RSPH14: variants seen among roughly 807,000 people sequenced by gnomAD.
RSPH14 encodes rhabdoid tumor deletion region gene 1.
RSPH14 carries 20 observed loss-of-function variants against 26.7 expected under a neutral mutation model. The ratio of observed to expected loss-of-function variants is 0.75; its 90% confidence interval spans 0.53 to 1.09. The LOEUF is 1.09. Among genes scored for constraint, RSPH14 ranks in the 50% least tolerant of loss-of-function variants. The pLI is 0.00. For missense variants in RSPH14, 449 were observed against 457.2 expected, an observed-to-expected ratio of 0.98 and a Z score of 0.16; for synonymous variants, 177 against 189.3, an observed-to-expected ratio of 0.93 and a Z score of 0.53.
chr22:23,083,521 C>G (rs1320853191), intron 4 of RSPH14, among the ~76,000 whole-genome samples: 1 of 152,116 alleles, frequency 6.6e-6, no homozygotes, highest in Middle Eastern at 3.2e-3. Flanking sequence ...ATCTGTTCTG[C>G]GAATCTTTCA....
At chr22:23,078,357 G>A (rs997366136) in intron 4 of RSPH14, among the ~76,000 whole-genome samples, 3 of 152,134 alleles carry the variant, frequency 2.0e-5, no homozygotes, top group South Asian at 2.1e-4. Context: ...ATAACACCAC[G>A]CACGCAAGCA....
upstream of RSPH14, among the ~76,000 whole-genome samples, chr22:23,149,270 C>T (rs569386649): frequency 7.2e-5 from 11 of 152,342 alleles, no homozygotes; most frequent in South Asian, 2.3e-3. Context: ...CTTCTCCCCA[C>T]ATCCTTGCCA....
At chr22:23,060,930 C>G (rs893590831) in intron 6 of RSPH14, among the ~76,000 whole-genome samples, 1 of 152,170 alleles carries the variant, frequency 6.6e-6, no homozygotes, top group Non-Finnish European at 1.5e-5. Context: ...AAGCCTGGAC[C>G]GAGAAGGACA....
At chr22:23,140,522 A>G (rs987327727) in intron 1 of RSPH14, 50 bp from the exon 2 acceptor site, 27 of 1,499,946 alleles carry the variant, frequency 1.8e-5, no homozygotes, top group Non-Finnish European at 2.3e-5. Flanking sequence ...TTTAAAAGCT[A>G]CTTCTCATCT....
In RSPH14 at chr22:23,071,900, A is replaced by G. The variant is rs1013729565; in HGVS notation, c.422-7767T>C. 2.0e-5 allele frequency among the ~76,000 whole-genome samples: 3 copies of G among 151,896 alleles called. No homozygotes were observed. Among genetic ancestry groups the G allele is most frequent in the Admixed American group, 2.0e-4 (3 of 15,260 alleles). On this transcript the variant is annotated intron_variant, in intron 4 of 6. Coordinates refer to ENST00000216036, the MANE Select transcript of RSPH14 (RefSeq NM_014433.3). This position sits in a 1 kb window ranked among gnomAD's most constrained non-coding sequence, Gnocchi z 4.1. Reference sequence around the variant, plus strand: ...ATGGGAGCACTTAGCATGCCTGGGGAGTAGGAGGAGGTATGGCGGGAAAGG... The same window carrying G: ...ATGGGAGCACTTAGCATGCCTGGGGGGTAGGAGGAGGTATGGCGGGAAAGG...
the RSPH14 span, among the ~76,000 whole-genome samples, chr22:23,166,407 A>T: frequency 6.6e-6 from 1 of 151,642 alleles, no homozygotes; most frequent in African/African-American, 2.4e-5. Flanking sequence ...AGTAAGATGA[A>T]GGGCTGTGTC....
chr22:23,126,763 C>T (rs2070193034), intron 4 of RSPH14, among the ~76,000 whole-genome samples: 1 of 152,190 alleles, frequency 6.6e-6, no homozygotes, highest in African/African-American at 2.4e-5. Context: ...CCAGCCCTGC[C>T]CACTGCAGGT....
chr22:23,145,217 C>G (rs564680016), upstream of RSPH14: 927 of 764,814 alleles, frequency 1.2e-3, 9 homozygotes, highest in African/African-American at 0.015. Flanking sequence ...ACCCAGGGCT[C>G]AGGCTCCGCC....
chr22:23,130,528 G>GAAAA (rs1555939852), intron 4 of RSPH14, among the ~76,000 whole-genome samples: 1 of 150,890 alleles, frequency 6.6e-6, no homozygotes, highest in South Asian at 2.1e-4. Context: ...AAGAAAGAAA[G>GAAAA]AAAGAGAAAG....
At chr22:23,154,430 G>C in the RSPH14 span, among the ~76,000 whole-genome samples, 9 of 152,228 alleles carry the variant, frequency 5.9e-5, no homozygotes, top group Admixed American at 3.9e-4. Flanking sequence ...TGGAGATGGA[G>C]GATAACAAAT....
In RSPH14 at chr22:23,140,341, G is replaced by C; in HGVS notation, c.80C>G (p.Ala27Gly). Residue 27 changes from alanine to glycine, a missense_variant, in exon 2 of 7, where the codon GCC becomes GGC. Coordinates refer to ENST00000216036, the MANE Select transcript of RSPH14 (RefSeq NM_014433.3). ...CAGCTCCTCCTTCAGCTTGGGCAGGGCCCGATGGCCATAGGCAGTGGTAAT... is the reference window on the plus strand; with the variant it reads ...CAGCTCCTCCTTCAGCTTGGGCAGGCCCCGATGGCCATAGGCAGTGGTAAT... ...TQITTAYGHR[A>G]LPKLKEELQS... 6.2e-7 allele frequency: 1 copy of C among 1,614,168 alleles called. No individual in the cohort carries two copies. The highest frequency in any genetic ancestry group is 8.5e-7 in the Non-Finnish European group (1 of 1,180,018).
intron 4 of RSPH14, among the ~76,000 whole-genome samples, chr22:23,112,667 G>T (rs762970634): frequency 6.6e-6 from 1 of 152,204 alleles, no homozygotes; most frequent in South Asian, 2.1e-4. Flanking sequence ...AAACACCAGC[G>T]GGGTGGGAAT....
the RSPH14 span, among the ~76,000 whole-genome samples, chr22:23,179,424 G>A: frequency 6.6e-6 from 1 of 152,124 alleles, no homozygotes; most frequent in Non-Finnish European, 1.5e-5. Flanking sequence ...AGATCTCTGT[G>A]TCCCCAGAGA....
intron 4 of RSPH14, among the ~76,000 whole-genome samples, chr22:23,106,693 G>A (rs1191155313): frequency 6.6e-6 from 1 of 152,264 alleles, no homozygotes; most frequent in Non-Finnish European, 1.5e-5. Flanking sequence ...CCAGAGACGT[G>A]AGCGGTTGGC....
the RSPH14 span, chr22:23,161,470 G>T: frequency 6.4e-7 from 1 of 1,570,948 alleles, no homozygotes; most frequent in South Asian, 1.1e-5. Flanking sequence ...ATTCCTGGTT[G>T]ATGCTAAATT....
the RSPH14 span, chr22:23,153,690 G>GT: frequency 3.1e-5 from 8 of 259,560 alleles, no homozygotes; most frequent in Non-Finnish European, 4.0e-5. Flanking sequence ...TTCCACTTCT[G>GT]TCTTTTTTTT....
chr22:23,081,295 C>A (rs764886550), intron 4 of RSPH14, among the ~76,000 whole-genome samples: 85 of 152,204 alleles, frequency 5.6e-4, no homozygotes, highest in Non-Finnish European at 1.0e-3. Context: ...GTGGCATAAC[C>A]CCAGAACCGG....
At chr22:23,151,116 G>A in the RSPH14 span, among the ~76,000 whole-genome samples, 1 of 152,262 alleles carries the variant, frequency 6.6e-6, no homozygotes, top group Admixed American at 6.5e-5. Context: ...GGTGCGATGA[G>A]GCTGCCAGAG....
chr22:23,117,777 A>T (rs6003514), intron 4 of RSPH14, among the ~76,000 whole-genome samples: 7 of 152,348 alleles, frequency 4.6e-5, no homozygotes, highest in African/African-American at 1.7e-4. Flanking sequence ...TGCAGCATGC[A>T]CCGGCAGTGA....
Sources: gnomAD v4.1 joint callset for allele counts (sites outside exome capture counted in the v4.1 genomes callset) on GRCh38, gnomAD v4.1.1 for gene constraint, Gnocchi (gnomAD v3.1) non-coding constraint, MANE v1.5 for transcripts, NCBI Gene and HGNC (gene_info 2026-07-23, HGNC 2026-07-21) for gene names.